IL1R1: variants seen among roughly 807,000 people sequenced by gnomAD.
IL1R1 encodes the protein interleukin-1 receptor type 1.
A neutral mutation model predicts 50.2 loss-of-function variants in IL1R1; 22 were observed. The ratio of observed to expected loss-of-function variants is 0.44; its 90% CI spans 0.31 to 0.63. IL1R1 has a LOEUF of 0.63. Among genes scored for constraint, IL1R1 ranks in the 20% least tolerant of loss-of-function variants. The probability of loss-of-function intolerance (pLI) is 0.07; values close to 1 mark genes in which losing one functional copy is unlikely to be tolerated. For synonymous variants in IL1R1, 251 were observed against 236.7 expected (o/e 1.06, Z -0.55); for missense variants, 509 against 676.2 (o/e 0.75, Z 2.74).
intron 1 of IL1R1, among the ~76,000 whole-genome samples, chr2:102,092,380 A>T (rs1679709524): frequency 6.6e-6 from 1 of 152,166 alleles, no homozygotes; most frequent in Non-Finnish European, 1.5e-5. Context: ...CTTAAAAAAA[A>T]TACAGCTTCT....
At chr2:102,128,960 G>A (rs910082339) in intron 1 of IL1R1, among the ~76,000 whole-genome samples, 2 of 152,120 alleles carry the variant, frequency 1.3e-5, no homozygotes, top group Non-Finnish European at 2.9e-5. Context: ...CCATAGTTTT[G>A]GGAGGCTGAT....
At chr2:102,144,739 G>A (rs949045327) in intron 1 of IL1R1, among the ~76,000 whole-genome samples, 1 of 152,148 alleles carries the variant, frequency 6.6e-6, no homozygotes, top group African/African-American at 2.4e-5. Context: ...TTGTACAAGG[G>A]TGTGGATGCA....
chr2:102,145,790 A>G (rs1324135320), intron 1 of IL1R1, among the ~76,000 whole-genome samples: 2 of 152,214 alleles, frequency 1.3e-5, no homozygotes, highest in African/African-American at 4.8e-5. Flanking sequence ...GGGAAATGCC[A>G]GGACTGGATG....
chr2:102,122,351 A>G (rs1681451426), intron 1 of IL1R1, among the ~76,000 whole-genome samples: 1 of 152,338 alleles, frequency 6.6e-6, no homozygotes, highest in African/African-American at 2.4e-5. Flanking sequence ...CTGCTGAGAT[A>G]CAGGCCTAAA....
intron 1 of IL1R1, among the ~76,000 whole-genome samples, chr2:102,111,773 T>C (rs1175927032): frequency 6.6e-6 from 1 of 151,858 alleles, no homozygotes; most frequent in African/African-American, 2.4e-5. Context: ...TGCCAGGGAG[T>C]CCTTCAGGGA....
At chr2:102,115,093 C>G (rs553768350) in intron 1 of IL1R1, among the ~76,000 whole-genome samples, 1 of 152,350 alleles carries the variant, frequency 6.6e-6, no homozygotes, top group Admixed American at 6.5e-5. Context: ...CTTTTAAACA[C>G]TGATGCCTGG....
At chr2:102,160,264 C>T (rs1684597072) in intron 3 of IL1R1, among the ~76,000 whole-genome samples, 1 of 151,718 alleles carries the variant, frequency 6.6e-6, no homozygotes, top group Admixed American at 6.6e-5. Flanking sequence ...GATGTCATCT[C>T]TTTTTTTTCC....
chr2:102,102,436 T>G (rs1279842934), upstream of IL1R1, among the ~76,000 whole-genome samples: 1 of 152,094 alleles, frequency 6.6e-6, no homozygotes, highest in Non-Finnish European at 1.5e-5. Context: ...TAAATTTCCA[T>G]GCAAGTCAAA....
At position 102,178,578 on chromosome 2, in the gene IL1R1, G is replaced by A. The variant is rs199514631; in HGVS notation, c.*1819G>A. 3 of 152,054 alleles carry A rather than the reference G, an allele frequency of 2.0e-5. No individual in the cohort carries two copies. Among genetic ancestry groups the A allele is most frequent in the East Asian group, 1.9e-4 (1 of 5,320 alleles). 9.4% of individuals were successfully genotyped at this position (152,054 alleles called of 1,614,324 possible). A position where few individuals can be genotyped will look rare whatever the true frequency, so the allele number is the denominator to read the frequency against. On this transcript the variant is annotated 3_prime_UTR_variant, in exon 12 of 12. Transcript: ENST00000410023. ...GAGTACTTGATTTCAGGTCAATAAC[G>A]GTCCCCCCTCACTCCACACTGGCAC...
intron 1 of IL1R1, among the ~76,000 whole-genome samples, chr2:102,089,718 T>A (rs1679576967): frequency 6.6e-6 from 1 of 152,062 alleles, no homozygotes. Context: ...GAGGCAGTTG[T>A]AAGTCTTCCT....
chr2:102,178,093 C>G lies in IL1R1; in HGVS notation c.*1334C>G, dbSNP rs1686293253. The G allele has an allele frequency of 6.5e-6, 1 of 152,802 alleles. No homozygotes were observed. The highest frequency in any genetic ancestry group is 6.5e-5 in the Admixed American group (1 of 15,288). The allele number at this position is 152,802 out of a possible 1,614,324, so 9.5% of individuals were successfully genotyped here. On this transcript the variant is annotated 3_prime_UTR_variant, in exon 12 of 12. Coordinates refer to ENST00000410023, the MANE Select transcript of IL1R1 (RefSeq NM_000877.4). ...CTCTGTCTCTGCTCTTGCCTGCACC[C>G]TTCCTCCTCCTTTGCCTAGGAGGCC...
intron 1 of IL1R1, among the ~76,000 whole-genome samples, chr2:102,108,093 T>A (rs920977454): frequency 1.3e-5 from 2 of 152,092 alleles, no homozygotes; most frequent in African/African-American, 4.8e-5. Flanking sequence ...CAAAATGGTA[T>A]TATTATTATT....
chr2:102,091,459 G>T (rs1679663464), intron 1 of IL1R1, among the ~76,000 whole-genome samples: 1 of 152,162 alleles, frequency 6.6e-6, no homozygotes, highest in Non-Finnish European at 1.5e-5. Context: ...TAACAAGGCA[G>T]CTTCATGGAT....
At chr2:102,138,163 T>C (rs978566121), upstream of IL1R1, among the ~76,000 whole-genome samples, 8 of 152,186 alleles carry the variant, frequency 5.3e-5, no homozygotes, top group Non-Finnish European at 1.2e-4. Context: ...GTGCTTCAAA[T>C]TTTATGTGTT....
upstream of IL1R1, among the ~76,000 whole-genome samples, chr2:102,103,405 A>C (rs1680235409): frequency 2.6e-5 from 4 of 152,050 alleles, no homozygotes; most frequent in South Asian, 8.3e-4. Context: ...TAGGGTAAGG[A>C]GTGGCAGTGG....
At chr2:102,071,154 T>A (rs542791539) in intron 1 of IL1R1, among the ~76,000 whole-genome samples, 1 of 152,262 alleles carries the variant, frequency 6.6e-6, no homozygotes, top group South Asian at 2.1e-4. Flanking sequence ...TGAAATATAT[T>A]TGTATACTTA....
intron 1 of IL1R1, among the ~76,000 whole-genome samples, chr2:102,086,200 G>T (rs1435024360): frequency 6.6e-6 from 1 of 152,110 alleles, no homozygotes; most frequent in Non-Finnish European, 1.5e-5. Flanking sequence ...TTAAAGGGTG[G>T]TTTCACTGGG....
intron 3 of IL1R1, among the ~76,000 whole-genome samples, chr2:102,161,682 T>G (rs1313048888): frequency 6.6e-6 from 1 of 152,154 alleles, no homozygotes; most frequent in African/African-American, 2.4e-5. Context: ...CTTTATTTTT[T>G]TAAAATTTAT....
intron 5 of IL1R1, 78 bp downstream of exon 5, chr2:102,165,382 A>G (rs1330888741): frequency 2.8e-6 from 2 of 712,210 alleles, no homozygotes; most frequent in African/African-American, 3.7e-5. Context: ...GTATCTGCAA[A>G]GTACCTTTTT....
Sources: allele counts gnomAD v4.1 joint callset (sites outside exome capture counted in the v4.1 genomes callset), GRCh38; gene constraint gnomAD v4.1.1; transcripts MANE v1.5; gene names NCBI Gene and HGNC (gene_info 2026-07-23, HGNC 2026-07-21).